BTBD18: variants seen among roughly 807,000 people sequenced by gnomAD.
BTBD18 encodes the protein BTB/POZ domain-containing protein 18.
For missense variants in BTBD18, 787 were observed against 846.3 expected (o/e 0.93, Z 0.87); for synonymous variants, 311 against 324.4 (o/e 0.96, Z 0.44).
chr11:57,746,849 C>CT (rs1949206049), intron 2 of BTBD18, among the ~76,000 whole-genome samples: 2 of 148,808 alleles, frequency 1.3e-5, no homozygotes. Flanking sequence ...CACCACAAGT[C>CT]TGAGTTAGGT....
At position 57,745,690 on chromosome 11, in the gene BTBD18, G is replaced by A. The variant is rs1421269116; in HGVS notation, c.583C>T (p.Arg195Ter). 1 of 1,551,636 alleles carries A rather than the reference G, an allele frequency of 6.4e-7. No individual in the cohort carries two copies. Among genetic ancestry groups the A allele is most frequent in the Non-Finnish European group, 8.7e-7 (1 of 1,146,976 alleles). ...CCAGACAAATTGTCTGCATTCTGTC[G>A]GTTGTTTTCCTGGGGCCCCTCTTCC... ...GKEEGPQENN[R>*]QNADNLSGTL... is the part of the protein sequence containing the mutation. The change falls in exon 3 of 3, where the codon CGA (arginine) becomes TGA (stop). Residue 195 changes from arginine to a stop codon, truncating the protein, a stop_gained. Coordinates refer to ENST00000422652, the MANE Select transcript of BTBD18 (RefSeq NM_001145101.3). LOFTEE classifies it low-confidence loss of function (END_TRUNC).
intron 2 of BTBD18, among the ~76,000 whole-genome samples, chr11:57,750,234 G>A (rs546362134): frequency 6.6e-5 from 10 of 152,046 alleles, no homozygotes; most frequent in South Asian, 2.1e-4. Context: ...AAAATTTTCC[G>A]GGTGTGGTGG....
At chr11:57,752,641 C>T (rs912347960), upstream of BTBD18, among the ~76,000 whole-genome samples, 1 of 152,216 alleles carries the variant, frequency 6.6e-6, no homozygotes, top group Non-Finnish European at 1.5e-5. Flanking sequence ...GCCTCCAGAC[C>T]CAACTTGAAA....
At position 57,744,104 on chromosome 11, in the gene BTBD18, C is replaced by G; in HGVS notation, c.*30G>C. The G allele has an allele frequency of 7.0e-7, 1 of 1,430,358 alleles. No homozygotes were observed. The highest frequency in any genetic ancestry group is 9.5e-7 in the Non-Finnish European group (1 of 1,054,490). 88.6% of individuals were successfully genotyped at this position (1,430,358 alleles called of 1,614,324 possible). ...TGCTAGCTAACATTTCCCACCCTCC[C>G]AAGGCCCCTAACCTGCCCTCCCCTC... On this transcript the variant is annotated 3_prime_UTR_variant, in exon 3 of 3. Transcript: ENST00000422652.
At chr11:57,748,543 T>G (rs892780203) in intron 2 of BTBD18, among the ~76,000 whole-genome samples, 2 of 145,394 alleles carry the variant, frequency 1.4e-5, no homozygotes, top group Admixed American at 1.4e-4. Flanking sequence ...AGTGAGACCT[T>G]GTCTCTAAAA....
upstream of BTBD18, among the ~76,000 whole-genome samples, chr11:57,752,944 C>A (rs542619688): frequency 4.0e-4 from 61 of 152,354 alleles, no homozygotes; most frequent in African/African-American, 1.4e-3. Flanking sequence ...GGGAATGGAC[C>A]GTGGGGATCC....
chr11:57,747,247 C>T lies in BTBD18; in HGVS notation c.125-1099G>A, dbSNP rs552651531. On this transcript the variant is annotated intron_variant, in intron 2 of 2. Transcript: ENST00000422652. The stretch of plus-strand genomic sequence containing the variant: ...ATTACAAAAGGCTTGCTGATGATTC[C>T]CAGATCCATACCTCTGCCTAGATCT... Among the ~76,000 whole-genome samples, 5 of 152,278 alleles carry T rather than the reference C, an allele frequency of 3.3e-5. No individual in the cohort carries two copies. The South Asian group carries it at 1.0e-3, about 32-fold the overall frequency.
Position 57,744,444 on chromosome 11 carries a change from A to G in BTBD18, c.1829T>C (p.Leu610Pro). The change falls in exon 3 of 3, where the codon CTT (leucine) becomes CCT (proline). Residue 610 changes from leucine to proline, a missense_variant. Physicochemically the swap from Leu to Pro is moderately conservative, Grantham distance 98. Transcript: ENST00000422652. The stretch of plus-strand genomic sequence containing the variant: ...AGTATCAAGGGAGCTGACATGGAGA[A>G]GTTTGTCTTCCTGACCATCCAGTGG... The part of the protein sequence containing the change: ...SQPLDGQEDK[L>P]LHVSSLDTPQ... The G allele has an allele frequency of 6.4e-7, 1 of 1,551,628 alleles. No individual in the cohort carries two copies. Among genetic ancestry groups the G allele is most frequent in the Non-Finnish European group, 8.7e-7 (1 of 1,146,978 alleles).
chr11:57,744,597 T>C lies in BTBD18; in HGVS notation c.1676A>G (p.Lys559Arg). The C allele has an allele frequency of 6.4e-7, 1 of 1,551,670 alleles. No homozygotes were observed. The highest frequency in any genetic ancestry group is 1.2e-5 in the South Asian group (1 of 84,062). Residue 559 changes from lysine (K) to arginine (R), a missense_variant, in exon 3 of 3, where the codon AAG (lysine) becomes AGG (arginine). By Grantham distance (26) the Lys-to-Arg change is conservative (BLOSUM62 2). Transcript: ENST00000422652. The stretch of plus-strand genomic sequence containing the variant: ...CCCTCTGTTCTCACCAGCAGGTTCC[T>C]TTTCCAATTCTGTGAGCTCCCTGGG... ...LWPRELTELE[K>R]EPAGENRGPT...
rs1949175330 is a variant in BTBD18 at position 57,745,649 on chromosome 11, C to T, written c.624G>A (p.Lys208=). The T allele has an allele frequency of 2.6e-6, 4 of 1,551,540 alleles. No homozygotes were observed. The highest frequency in any genetic ancestry group is 1.4e-5 in the African/African-American group (1 of 73,034). The change falls in exon 3 of 3, where the codon AAG becomes AAA. Residue 208 remains lysine (K), a synonymous_variant. Coordinates refer to ENST00000422652, the MANE Select transcript of BTBD18 (RefSeq NM_001145101.3). ...ADNLSGTLLL[K]RKARACPTPQ... ...GAGTTGGGCAGGCTCTGGCCTTCCT[C>T]TTGAGCAGAAGAGTGCCAGACAAAT...
rs1189598980 is a variant in BTBD18, at chr11:57,745,609, A to T, written c.664T>A (p.Ser222Thr). The T allele has an allele frequency of 6.4e-7, 1 of 1,551,538 alleles. No individual in the cohort carries two copies. Among genetic ancestry groups the T allele is most frequent in the Non-Finnish European group, 8.7e-7 (1 of 1,146,952 alleles). ...TCTTGACTATGGCTTGATGGTGAAG[A>T]GTTTTTTTCTTGTGGAGTTGGGCAG... ...RACPTPQEKN[S>T]SPSSHSQEPR... The change falls in exon 3 of 3, where the codon TCT (serine) becomes ACT (threonine). Residue 222 changes from serine (S) to threonine (T), a missense_variant. By Grantham distance (58) the Ser-to-Thr change is moderately conservative. Coordinates refer to ENST00000422652, the MANE Select transcript of BTBD18 (RefSeq NM_001145101.3).
rs1475480537 is a variant in BTBD18 at position 57,751,758 on chromosome 11, A to G, written c.-266T>C. The G allele has an allele frequency of 6.6e-6, 1 of 152,244 alleles. No individual in the cohort carries two copies. Among genetic ancestry groups the G allele is most frequent in the Non-Finnish European group, 1.5e-5 (1 of 68,066 alleles). 9.4% of individuals were successfully genotyped at this position (152,244 alleles called of 1,614,324 possible). The stretch of plus-strand genomic sequence containing the variant: ...CCCAGCTCCACAGGTATAATCTTCA[A>G]GTTAACACTTTTAAGGAAACATTAC... On this transcript the variant is annotated 5_prime_UTR_variant, in exon 1 of 3. Coordinates refer to ENST00000422652, the MANE Select transcript of BTBD18 (RefSeq NM_001145101.3).
chr11:57,751,279 A>C, intron 1 of BTBD18, 43 bp from the exon 2 acceptor site: 1 of 1,118,378 alleles, frequency 8.9e-7, no homozygotes, highest in Non-Finnish European at 1.2e-6. Context: ...GTTACATCTA[A>C]TTTGTTTTTT....
chr11:57,750,564 C>T (rs1036186993), intron 2 of BTBD18, among the ~76,000 whole-genome samples: 1 of 152,036 alleles, frequency 6.6e-6, no homozygotes, highest in East Asian at 1.9e-4. Context: ...GGCGTAGTGG[C>T]GCATGCCTGT....
intron 2 of BTBD18, among the ~76,000 whole-genome samples, chr11:57,750,704 A>G (rs1249970705): frequency 2.0e-5 from 3 of 152,220 alleles, no homozygotes; most frequent in Non-Finnish European, 4.4e-5. Flanking sequence ...AAAAGAAAAC[A>G]TAATAGTATC....
In BTBD18 at chr11:57,744,536, A is replaced by C; in HGVS notation, c.1737T>G (p.Ser579=). ...CTACTGAAAGCACTTCACTCACCTC[A>C]GAGGGCATGACAAGGGGGCTAAGGA... ...TELLSPLVMP[S]EVSEVLSVGG... The change falls in exon 3 of 3, where the codon TCT becomes TCG. Residue 579 remains serine (S), a synonymous_variant. Transcript: ENST00000422652. 1 of 1,551,646 alleles carries C rather than the reference A, an allele frequency of 6.4e-7. No homozygotes were observed. The highest frequency in any genetic ancestry group is 8.7e-7 in the Non-Finnish European group (1 of 1,146,956).
At position 57,751,074 on chromosome 11, in the gene BTBD18, G is replaced by T; in HGVS notation, c.115C>A (p.Gln39Lys). ...QSDVFCDVLLQAEGEAVPAHC... is the reference protein window; with the variant it reads ...QSDVFCDVLLKAEGEAVPAHC... ...CCGACCACTCTCTTACCTTCTGCCT[G>T]CAGAAGGACATCACAGAACACATCA... is the stretch of plus-strand genomic sequence containing the variant. The change falls in exon 2 of 3, where the codon CAG becomes AAG. Residue 39 changes from glutamine to lysine, a missense_variant. By Grantham distance (53) the Gln-to-Lys change is moderately conservative (BLOSUM62 1). Transcript: ENST00000422652. 6.5e-7 allele frequency: 1 copy of T among 1,538,578 alleles called. No individual in the cohort carries two copies.
intron 1 of BTBD18, 135 bp from the exon 2 acceptor site, chr11:57,751,371 G>A (rs1407638902): frequency 3.0e-5 from 14 of 468,890 alleles, no homozygotes; most frequent in Non-Finnish European, 5.1e-5. Context: ...ATTGTGCCAA[G>A]GATATCTCAA....
intron 2 of BTBD18, among the ~76,000 whole-genome samples, chr11:57,750,565 G>C (rs899109070): frequency 2.6e-5 from 4 of 152,098 alleles, no homozygotes; most frequent in African/African-American, 9.7e-5. Context: ...GCGTAGTGGC[G>C]CATGCCTGTA....
Sources: gnomAD v4.1 joint callset for allele counts (sites outside exome capture counted in the v4.1 genomes callset) on GRCh38, gnomAD v4.1.1 for gene constraint, MANE v1.5 for transcripts, NCBI Gene and HGNC (gene_info 2026-07-23, HGNC 2026-07-21) for gene names.